Variants in ALAD observed in about 807,000 individuals in gnomAD.
ALAD encodes the protein aminolevulinate dehydratase, also known as delta-aminolevulinic acid dehydratase.
In ALAD, 20 loss-of-function variants were observed where a neutral mutation model predicts 44.4. That is an observed-to-expected ratio of 0.45 (90% CI 0.32 to 0.65). The LOEUF is 0.65. Among genes scored for constraint, ALAD ranks in the 30% least tolerant of loss-of-function variants. The pLI is 0.05. For synonymous variants in ALAD, 156 were observed against 167.9 expected, an observed-to-expected ratio of 0.93 and a Z score of 0.55; for missense variants, 323 against 445.7, an observed-to-expected ratio of 0.72 and a Z score of 2.48.
chr9:113,387,937 C>T lies in ALAD; in HGVS notation c.*363G>A, dbSNP rs576008526. On this transcript the variant is annotated 3_prime_UTR_variant, in exon 12 of 12. Transcript: ENST00000409155. ...TCTCAGGCCCCAAGATCCCACTGCT[C>T]TCTTCTTCCCCTAATGCTCCAAGAC... 2.5e-3 allele frequency: 881 copies of T among 350,980 alleles called. 4 individuals carry two copies. Among genetic ancestry groups the T allele is most frequent in the South Asian group, 5.7e-3 (232 of 40,484 alleles). 21.7% of individuals were successfully genotyped at this position (350,980 alleles called of 1,614,324 possible).
chr9:113,394,670 A>G (rs1004933880), intron 1 of ALAD, among the ~76,000 whole-genome samples: 7 of 152,344 alleles, frequency 4.6e-5, no homozygotes, highest in African/African-American at 1.7e-4. Context: ...TGTTTATTCC[A>G]CAAAAAATGC....
intron 11 of ALAD, 60 bp downstream of exon 11, chr9:113,388,917 G>A: frequency 6.2e-7 from 1 of 1,612,914 alleles, no homozygotes; most frequent in South Asian, 1.1e-5. Flanking sequence ...CCCCAATCTA[G>A]GCAGAGTGCT....
intron 6 of ALAD, 40 bp downstream of exon 6, chr9:113,390,553 C>T: frequency 6.2e-7 from 1 of 1,613,554 alleles, no homozygotes. Flanking sequence ...CTGCCACCTC[C>T]TGACCCAGAG....
intron 2 of ALAD, chr9:113,392,448 G>T: frequency 1.2e-6 from 1 of 864,796 alleles, no homozygotes; most frequent in South Asian, 2.2e-5. Context: ...CTCTGAATTT[G>T]GCAGGTCCTT....
chr9:113,390,353 G>A (rs962838136), intron 7 of ALAD, 52 bp downstream of exon 7: 2 of 1,572,112 alleles, frequency 1.3e-6, no homozygotes, highest in African/African-American at 2.7e-5. Flanking sequence ...ACGGGGGCAG[G>A]GCTGGTGCAG....
chr9:113,393,406 A>AAACCCC, intron 2 of ALAD, 41 bp downstream of exon 2: 2 of 1,448,726 alleles, frequency 1.4e-6, no homozygotes, highest in Non-Finnish European at 1.9e-6. Context: ...CCCCAACCCC[A>AAACCCC]ACCAGCAGAG....
intron 1 of ALAD, chr9:113,397,211 G>A (rs990216902): frequency 3.9e-5 from 6 of 152,246 alleles, no homozygotes; most frequent in Non-Finnish European, 8.8e-5. Flanking sequence ...CTTGGCTTCT[G>A]GAATCCAAAG....
intron 1 of ALAD, among the ~76,000 whole-genome samples, chr9:113,396,069 G>A (rs923042817): frequency 6.6e-6 from 1 of 152,228 alleles, no homozygotes; most frequent in African/African-American, 2.4e-5. Context: ...GGTGGCACAT[G>A]CCTGTAATCC....
At chr9:113,392,074 C>T in intron 3 of ALAD, 45 bp downstream of exon 3, 2 of 1,530,728 alleles carry the variant, frequency 1.3e-6, no homozygotes, top group Non-Finnish European at 1.8e-6. Flanking sequence ...CCTGTGGAAT[C>T]TCTCCCTCCA....
intron 1 of ALAD, among the ~76,000 whole-genome samples, chr9:113,397,620 CTTTTTTTT>C (rs554533853): frequency 9.2e-6 from 1 of 108,780 alleles, no homozygotes; most frequent in Admixed American, 9.7e-5. Flanking sequence ...TTTTCCTTTT[CTTTTTTTT>C]TTTTTTTTTT....
chr9:113,387,056 T>A lies in ALAD; in HGVS notation c.*1244A>T, dbSNP rs1044968651. On this transcript the variant is annotated 3_prime_UTR_variant, in exon 12 of 12. Coordinates refer to ENST00000409155, the MANE Select transcript of ALAD (RefSeq NM_000031.6). ...TAAAATACTTTTACAAACTACAAAT[T>A]TGATTGAGTCACTCTGAAAAGGTGA... 1 of 152,254 alleles carries A rather than the reference T, an allele frequency of 6.6e-6. No homozygotes were observed. The highest frequency in any genetic ancestry group is 1.5e-5 in the Non-Finnish European group (1 of 68,070). 9.4% of individuals were successfully genotyped at this position (152,254 alleles called of 1,614,324 possible).
At chr9:113,394,482 A>G (rs1205416952) in intron 1 of ALAD, among the ~76,000 whole-genome samples, 1 of 151,852 alleles carries the variant, frequency 6.6e-6, no homozygotes, top group Non-Finnish European at 1.5e-5. Context: ...AGGTTGCAGT[A>G]AGCTATGATT....
chr9:113,390,830 CA>C lies in ALAD; in HGVS notation c.364del (p.Cys122AlafsTer14), dbSNP rs1377302643. The C allele has an allele frequency of 6.2e-7, 1 of 1,613,274 alleles. No homozygotes were observed. The highest frequency in any genetic ancestry group is 1.7e-5 in the Admixed American group (1 of 59,852). ...ACCATGGGAGGTGTAGGGACACAGGCAGACATCACAGGCCACCAGGAGGTTG... is the reference window on the plus strand; with the variant it reads ...ACCATGGGAGGTGTAGGGACACAGGCGACATCACAGGCCACCAGGAGGTTG... The part of the protein sequence containing the change: ...FPNLLVACDV[C>X]LCPYTSHGHC... On this transcript the variant is annotated frameshift_variant, in exon 5 of 12. Coordinates refer to ENST00000409155, the MANE Select transcript of ALAD (RefSeq NM_000031.6). LOFTEE classifies it high-confidence loss of function.
chr9:113,388,391 G>A, intron 11 of ALAD, 30 bp from the exon 12 acceptor site: 1 of 1,608,284 alleles, frequency 6.2e-7, no homozygotes, highest in Non-Finnish European at 8.5e-7. Flanking sequence ...GAAAGTTGCT[G>A]GGGGGACGCT....
intron 2 of ALAD, 121 bp from the exon 3 acceptor site, chr9:113,392,290 G>T (rs746837282): frequency 1.3e-6 from 2 of 1,587,014 alleles, no homozygotes; most frequent in Non-Finnish European, 1.7e-6. Context: ...GGTGGGAGGA[G>T]GATGGGATCC....
intron 7 of ALAD, 51 bp downstream of exon 7, chr9:113,390,354 G>GATT: frequency 6.4e-7 from 1 of 1,571,040 alleles, no homozygotes; most frequent in African/African-American, 1.3e-5. Flanking sequence ...CGGGGGCAGG[G>GATT]CTGGTGCAGA....
chr9:113,388,319 TGCA>T lies in ALAD; in HGVS notation c.971_973del (p.Leu324del). On this transcript the variant is annotated inframe_deletion, in exon 12 of 12. Coordinates refer to ENST00000409155, the MANE Select transcript of ALAD (RefSeq NM_000031.6). ...TCTCCATCATTCCTCCTTCAGCCAC[TGCA>T]GCAGCTGCGGTGTGTAGTAGGTGAT... 1 of 1,614,192 alleles carries T rather than the reference TGCA, an allele frequency of 6.2e-7. No homozygotes were observed. Among genetic ancestry groups the T allele is most frequent in the Non-Finnish European group, 8.5e-7 (1 of 1,180,040 alleles).
intron 4 of ALAD, 41 bp from the exon 5 acceptor site, chr9:113,390,974 G>A (rs1018342066): frequency 3.1e-6 from 5 of 1,612,644 alleles, no homozygotes; most frequent in Non-Finnish European, 2.5e-6. Flanking sequence ...TCTATTACAT[G>A]TAGCTTTGGA....
Position 113,389,126 on chromosome 9 carries a change from G to C in ALAD, c.802-20C>G, listed in dbSNP as rs1276893452. ...AGGGTGCTGCAGGGAAGCAGACAGGGAGACAGGCTGAAATGGAGGGTGGAT... is the reference window on the plus strand; with the variant it reads ...AGGGTGCTGCAGGGAAGCAGACAGGCAGACAGGCTGAAATGGAGGGTGGAT... On this transcript the variant is annotated intron_variant, in intron 10 of 11. Transcript: ENST00000409155. The C allele has an allele frequency of 1.2e-6, 2 of 1,613,822 alleles. No individual in the cohort carries two copies. The highest frequency in any genetic ancestry group is 2.2e-5 in the East Asian group (1 of 44,874).
Sources: allele counts gnomAD v4.1 joint callset (sites outside exome capture counted in the v4.1 genomes callset), GRCh38; gene constraint gnomAD v4.1.1; transcripts MANE v1.5; gene names NCBI Gene and HGNC (gene_info 2026-07-23, HGNC 2026-07-21).